Variants in LRP1B observed in about 807,000 individuals in gnomAD.
LRP1B encodes the protein LDL receptor related protein 1B, also known as low-density lipoprotein receptor-related protein 1B.
LRP1B carries 217 observed loss-of-function variants against 556.6 expected under a neutral mutation model. The ratio of observed to expected loss-of-function variants is 0.39; its 90% CI spans 0.35 to 0.44. The LOEUF (loss-of-function observed/expected upper bound fraction) is 0.44. Ranked by LOEUF, LRP1B falls within the 20% of genes least tolerant of loss-of-function variation. The pLI is 1.00. For missense variants in LRP1B, 5,053 were observed against 5,620.8 expected (o/e 0.90, Z 3.23); for synonymous variants, 2,047 against 1,865.8 (o/e 1.10, Z -2.50).
intron 27 of LRP1B, among the ~76,000 whole-genome samples, chr2:140,863,306 A>T (rs992414773): frequency 1.1e-4 from 17 of 152,166 alleles, no homozygotes; most frequent in South Asian, 6.2e-4. Flanking sequence ...ACCATTTTTT[A>T]AAAAATTGTT....
At chr2:141,398,962 A>G (rs961781919) in intron 3 of LRP1B, among the ~76,000 whole-genome samples, 1 of 152,128 alleles carries the variant, frequency 6.6e-6, no homozygotes, top group Admixed American at 6.5e-5. Flanking sequence ...TTGATGTAAA[A>G]AGCCAAATTC....
intron 20 of LRP1B, among the ~76,000 whole-genome samples, chr2:140,937,249 G>A (rs1435585138): frequency 2.0e-5 from 3 of 152,046 alleles, no homozygotes; most frequent in Non-Finnish European, 2.9e-5. Context: ...AGCCCCTCCT[G>A]ATCATTCAAG....
At chr2:142,118,729 T>C (rs2105008866) in intron 1 of LRP1B, among the ~76,000 whole-genome samples, 1 of 152,288 alleles carries the variant, frequency 6.6e-6, no homozygotes, top group South Asian at 2.1e-4. Flanking sequence ...CTGCTGTTTT[T>C]ATTTACTTAG....
At position 141,186,708 on chromosome 2, in the gene LRP1B, G is replaced by A. The variant is rs567908508; in HGVS notation, c.1013+1713C>T. Among the ~76,000 whole-genome samples, 5 of 152,148 alleles carry A rather than the reference G, an allele frequency of 3.3e-5. 1 individual carries two copies. The South Asian group carries it at 1.0e-3, about 32-fold the overall frequency. On this transcript the variant is annotated intron_variant, in intron 7 of 90. Coordinates refer to ENST00000389484, the MANE Select transcript of LRP1B (RefSeq NM_018557.3). ...AGCAGAGAATAAGAGCAAATGATGT[G>A]GGGGTTTTCTACTCTTAATTCCTGT...
At chr2:140,536,311 TAAAAAAAA>T (rs70988404) in intron 46 of LRP1B, among the ~76,000 whole-genome samples, 1,913 of 61,840 alleles carry the variant, frequency 0.031, 61 homozygotes, top group Admixed American at 0.092. Context: ...CCCGTCTCTT[TAAAAAAAA>T]AAAAAAAAAA....
chr2:140,971,148 T>A lies in LRP1B; in HGVS notation c.2887+11012A>T, dbSNP rs967405828. 5.5e-4 allele frequency among the ~76,000 whole-genome samples: 84 copies of A among 152,190 alleles called. 1 individual carries two copies. Among genetic ancestry groups the A allele is most frequent in the Non-Finnish European group, 1.5e-4 (10 of 68,030 alleles). ...AAAAGAAATGTAGTCTTTGCAGACG[T>A]AAAGTTAAGGATCTCAGTATGAGAT... On this transcript the variant is annotated intron_variant, in intron 18 of 90. Transcript: ENST00000389484.
At chr2:141,157,457 A>G (rs902911022) in intron 7 of LRP1B, among the ~76,000 whole-genome samples, 6 of 152,170 alleles carry the variant, frequency 3.9e-5, no homozygotes, top group African/African-American at 1.4e-4. Flanking sequence ...AACAGATGGC[A>G]GAAAGAAGAA....
chr2:141,075,126 T>C (rs1168792079), intron 7 of LRP1B, among the ~76,000 whole-genome samples: 1 of 152,154 alleles, frequency 6.6e-6, no homozygotes, highest in Non-Finnish European at 1.5e-5. Flanking sequence ...ATTTTAAGAA[T>C]ATAATACTGT....
intron 87 of LRP1B, 66 bp downstream of exon 87, chr2:140,247,020 A>G: frequency 8.7e-7 from 1 of 1,149,344 alleles, no homozygotes; most frequent in Non-Finnish European, 1.3e-6. Flanking sequence ...CATCTCACTC[A>G]ATAATGACAT....
At chr2:141,359,711 G>A (rs13392847) in intron 3 of LRP1B, among the ~76,000 whole-genome samples, 7,079 of 152,128 alleles carry the variant, frequency 0.047, 253 homozygotes, top group African/African-American at 0.097. Flanking sequence ...GGCCAAGATC[G>A]TGCCACCGCA....
chr2:141,414,319 G>C (rs2104949339), intron 3 of LRP1B, among the ~76,000 whole-genome samples: 1 of 147,278 alleles, frequency 6.8e-6, no homozygotes, highest in African/African-American at 2.5e-5. Context: ...AAAAAAGAAA[G>C]AGATAAAGAG....
intron 1 of LRP1B, among the ~76,000 whole-genome samples, chr2:142,098,984 T>C (rs1241831339): frequency 1.3e-5 from 2 of 151,848 alleles, no homozygotes; most frequent in Non-Finnish European, 2.9e-5. Context: ...CAGCATTGAC[T>C]CTTGACAGTA....
intron 1 of LRP1B, among the ~76,000 whole-genome samples, chr2:141,946,564 G>C (rs1700960429): frequency 6.6e-6 from 1 of 152,136 alleles, no homozygotes; most frequent in African/African-American, 2.4e-5. Context: ...CTACAAGTTG[G>C]TGAACTGTAA....
chr2:141,979,347 A>C (rs549418806), intron 1 of LRP1B, among the ~76,000 whole-genome samples: 1 of 152,222 alleles, frequency 6.6e-6, no homozygotes, highest in East Asian at 1.9e-4. Context: ...GTGCTTGAAC[A>C]AAAACCAGTG....
At chr2:140,519,721 G>T (rs6430911) in intron 49 of LRP1B, among the ~76,000 whole-genome samples, 111,610 of 151,938 alleles carry the variant, frequency 0.73, 41,515 homozygotes, top group Middle Eastern at 0.88. Context: ...ATCTGACAAA[G>T]GGCTAATATC....
chr2:141,347,907 T>A (rs969794845), intron 3 of LRP1B, among the ~76,000 whole-genome samples: 1 of 152,084 alleles, frequency 6.6e-6, no homozygotes, highest in African/African-American at 2.4e-5. Flanking sequence ...AAAAGTTGAA[T>A]GGAAATAATA....
chr2:141,713,108 G>A (rs1292561920), intron 2 of LRP1B, among the ~76,000 whole-genome samples: 8 of 146,912 alleles, frequency 5.4e-5, no homozygotes, highest in Admixed American at 4.1e-4. Context: ...TTTTGAGACA[G>A]GGTCTCACTC....
intron 20 of LRP1B, among the ~76,000 whole-genome samples, chr2:140,936,339 C>CAA (rs59717868): frequency 3.8e-3 from 330 of 86,548 alleles, no homozygotes; most frequent in East Asian, 5.7e-3. Context: ...GACTCCGTCT[C>CAA]AAAAAAAAAA....
intron 1 of LRP1B, among the ~76,000 whole-genome samples, chr2:142,042,742 C>G (rs2105217589): frequency 6.6e-6 from 1 of 151,610 alleles, no homozygotes; most frequent in South Asian, 2.1e-4. Flanking sequence ...CTATCCAAAC[C>G]CACCATGATT....
Sources: gnomAD v4.1 joint callset for allele counts (sites outside exome capture counted in the v4.1 genomes callset) on GRCh38, gnomAD v4.1.1 for gene constraint, MANE v1.5 for transcripts, NCBI Gene and HGNC (gene_info 2026-07-23, HGNC 2026-07-21) for gene names.